The following TMEM178B variants were observed in gnomAD, a reference collection of about 807,000 sequenced individuals.
TMEM178B encodes the protein transmembrane protein 178B.
Under a neutral mutation model 31.0 loss-of-function variants are expected in TMEM178B, and 5 were observed. The observed-to-expected ratio is 0.16, with a 90% CI of 0.08 to 0.34. The LOEUF (loss-of-function observed/expected upper bound fraction) is 0.34. TMEM178B is among the 10% of genes least tolerant of loss of function. TMEM178B has a pLI of 1.00. For synonymous variants in TMEM178B, 164 were observed against 164.0 expected (o/e 1.00, Z 0.00); for missense variants, 275 against 400.3 (o/e 0.69, Z 2.67).
At chr7:141,510,804 G>C in the TMEM178B span, among the ~76,000 whole-genome samples, 1 of 150,988 alleles carries the variant, frequency 6.6e-6, no homozygotes, top group South Asian at 2.1e-4. Flanking sequence ...CCAAGAGGCA[G>C]ACAGAGGTAG....
At chr7:141,177,224 G>A (rs750939442) in intron 1 of TMEM178B, among the ~76,000 whole-genome samples, 3 of 152,136 alleles carry the variant, frequency 2.0e-5, no homozygotes, top group Non-Finnish European at 4.4e-5. Context: ...TCAGGAGCAG[G>A]TTGTTCAGTT....
intron 1 of TMEM178B, among the ~76,000 whole-genome samples, chr7:141,195,440 A>C (rs1213162416): frequency 6.6e-6 from 1 of 152,192 alleles, no homozygotes; most frequent in Non-Finnish European, 1.5e-5. Context: ...GCTAAAACAT[A>C]ACAGGAGTCA....
intron 2 of TMEM178B, among the ~76,000 whole-genome samples, chr7:141,374,766 A>G (rs1385414252): frequency 1.3e-5 from 2 of 152,250 alleles, no homozygotes; most frequent in African/African-American, 4.8e-5. Context: ...CTGTGCGACT[A>G]TAGATTCATC....
At chr7:141,104,030 C>A (rs900850857) in intron 1 of TMEM178B, among the ~76,000 whole-genome samples, 2 of 152,174 alleles carry the variant, frequency 1.3e-5, no homozygotes, top group African/African-American at 4.8e-5. Flanking sequence ...TCACCTACCC[C>A]CTGCCATGCA....
chr7:141,081,106 G>T (rs1404247212), intron 1 of TMEM178B, among the ~76,000 whole-genome samples: 1 of 152,114 alleles, frequency 6.6e-6, no homozygotes. Flanking sequence ...TCCTTCAGGA[G>T]GTATTCCAGA....
intron 2 of TMEM178B, among the ~76,000 whole-genome samples, chr7:141,236,352 G>A (rs11762039): frequency 0.41 from 61,701 of 152,044 alleles, 12,755 homozygotes; most frequent in East Asian, 0.65. Flanking sequence ...GTGTGCAAGT[G>A]GGGTGGGGTT....
intron 2 of TMEM178B, among the ~76,000 whole-genome samples, chr7:141,337,150 C>A (rs868833234): frequency 3.0e-4 from 1 of 3,358 alleles, no homozygotes. Context: ...CCATCATCAC[C>A]ACCACCATCA....
At chr7:141,168,803 C>T (rs1482006422) in intron 1 of TMEM178B, among the ~76,000 whole-genome samples, 1 of 152,070 alleles carries the variant, frequency 6.6e-6, no homozygotes, top group Non-Finnish European at 1.5e-5. Context: ...GATGATTCCT[C>T]CTGGATATTT....
intron 2 of TMEM178B, among the ~76,000 whole-genome samples, chr7:141,341,928 G>A (rs1799522865): frequency 6.6e-6 from 1 of 152,100 alleles, no homozygotes; most frequent in Non-Finnish European, 1.5e-5. Context: ...TAGTAGGAAT[G>A]TACAAATTAC....
intron 2 of TMEM178B, among the ~76,000 whole-genome samples, chr7:141,436,255 G>A (rs1254697568): frequency 6.6e-6 from 1 of 152,186 alleles, no homozygotes; most frequent in Middle Eastern, 3.2e-3. Context: ...AGACCTGTGG[G>A]GTGTTTGTTT....
rs1796356222 is a variant in TMEM178B, at chr7:141,171,932, A to G, written c.383-40659A>G. ...TGGAGCCTCTACACATTAATTCTCAACAGGTAATTGTTGAGTACCTATTGT... is the reference window on the plus strand; with the variant it reads ...TGGAGCCTCTACACATTAATTCTCAGCAGGTAATTGTTGAGTACCTATTGT... On this transcript the variant is annotated intron_variant, in intron 1 of 3. Coordinates refer to ENST00000565468, the MANE Select transcript of TMEM178B (RefSeq NM_001195278.2). This position sits in a 1 kb window ranked among gnomAD's most constrained non-coding sequence, Gnocchi z 4.3. Among the ~76,000 whole-genome samples, 1 of 152,172 alleles carries G rather than the reference A, an allele frequency of 6.6e-6. No homozygotes were observed. The highest frequency in any genetic ancestry group is 2.1e-4 in the South Asian group (1 of 4,826).
At chr7:141,204,335 TC>T (rs1796928319) in intron 1 of TMEM178B, among the ~76,000 whole-genome samples, 1 of 152,228 alleles carries the variant, frequency 6.6e-6, no homozygotes, top group South Asian at 2.1e-4. Flanking sequence ...GCTGTTGCTC[TC>T]CATCTGCCAC....
intron 2 of TMEM178B, among the ~76,000 whole-genome samples, chr7:141,284,907 T>A (rs1377195617): frequency 6.6e-6 from 1 of 152,058 alleles, no homozygotes; most frequent in Non-Finnish European, 1.5e-5. Context: ...GCCAAGAAGG[T>A]TGAGAATAGT....
rs1800902094 is a variant in TMEM178B at position 141,407,357 on chromosome 7, T to C, written c.497-30251T>C. On this transcript the variant is annotated intron_variant, in intron 2 of 3. Coordinates refer to ENST00000565468, the MANE Select transcript of TMEM178B (RefSeq NM_001195278.2). ...TTCACAGTCTGGAGCATAGAAAAAC[T>C]GTACAACCCAGTGTCACGTAGTCAG... is the stretch of plus-strand genomic sequence containing the variant. Among the ~76,000 whole-genome samples, 2 of 152,224 alleles carry C rather than the reference T, an allele frequency of 1.3e-5. 1 individual carries two copies. Among genetic ancestry groups the C allele is most frequent in the Non-Finnish European group, 2.9e-5 (2 of 68,036 alleles).
chr7:141,241,778 G>A (rs997725409), intron 2 of TMEM178B, among the ~76,000 whole-genome samples: 1 of 151,994 alleles, frequency 6.6e-6, no homozygotes, highest in Non-Finnish European at 1.5e-5. Context: ...AGATTTTCCA[G>A]TAGCCACATT....
rs548323333 is a variant in TMEM178B, at chr7:141,305,775, T to A, written c.496+93071T>A. On this transcript the variant is annotated intron_variant, in intron 2 of 3. Coordinates refer to ENST00000565468, the MANE Select transcript of TMEM178B (RefSeq NM_001195278.2). ...TTATGCACCTTTTTTCCTACTGTTA[T>A]CCCTGTCAATACTCCCTCTGTACCT... is the stretch of plus-strand genomic sequence containing the variant. Among the ~76,000 whole-genome samples the A allele has an allele frequency of 2.6e-5, 4 of 152,250 alleles. No homozygotes were observed. The East Asian group carries it at 7.7e-4, about 29-fold the overall frequency.
chr7:141,267,602 G>A (rs1209052761), intron 2 of TMEM178B, among the ~76,000 whole-genome samples: 2 of 152,228 alleles, frequency 1.3e-5, no homozygotes, highest in African/African-American at 4.8e-5. Flanking sequence ...CATCAGGCTG[G>A]AAAACCAAGC....
At chr7:141,302,045 G>A (rs1006967024) in intron 2 of TMEM178B, among the ~76,000 whole-genome samples, 1 of 152,168 alleles carries the variant, frequency 6.6e-6, no homozygotes. Context: ...TCAGTTTGGG[G>A]AGACAAAAAC....
At chr7:141,106,985 G>T (rs1382103471) in intron 1 of TMEM178B, among the ~76,000 whole-genome samples, 1 of 152,192 alleles carries the variant, frequency 6.6e-6, no homozygotes, top group African/African-American at 2.4e-5. Context: ...AGAACATGGG[G>T]AGTGTGAAGT....
Sources: gnomAD v4.1 joint callset for allele counts (sites outside exome capture counted in the v4.1 genomes callset) on GRCh38, gnomAD v4.1.1 for gene constraint, Gnocchi (gnomAD v3.1) non-coding constraint, MANE v1.5 for transcripts, NCBI Gene and HGNC (gene_info 2026-07-23, HGNC 2026-07-21) for gene names.